DISP2: variants seen among roughly 807,000 people sequenced by gnomAD.
The protein encoded by DISP2 is protein dispatched homolog 2.
DISP2 carries 59 observed loss-of-function variants against 95.5 expected under a neutral mutation model. The ratio of observed to expected loss-of-function variants is 0.62; its 90% CI spans 0.50 to 0.77. DISP2 has a LOEUF of 0.77. Among genes scored for constraint, DISP2 ranks in the 30% least tolerant of loss-of-function variants. The probability of loss-of-function intolerance (pLI) is 0.00; values close to 1 mark genes in which losing one functional copy is unlikely to be tolerated. For synonymous variants in DISP2, 827 were observed against 815.0 expected, an observed-to-expected ratio of 1.01 and a Z score of -0.25; for missense variants, 1,752 against 1,854.6, an observed-to-expected ratio of 0.94 and a Z score of 1.02.
chr15:40,364,641 G>A (rs1889467285), intron 4 of DISP2, 97 bp downstream of exon 4: 28 of 1,543,590 alleles, frequency 1.8e-5, no homozygotes, highest in Non-Finnish European at 2.5e-5. Flanking sequence ...GGTAGCCTGG[G>A]GATAGGGTAG....
At position 40,363,832 on chromosome 15, in the gene DISP2, A is replaced by T. The variant is rs1366138007; in HGVS notation, c.327A>T (p.Pro109=). The change falls in exon 2 of 8, where the codon CCA becomes CCT. Residue 109 remains proline (P), a synonymous_variant. Coordinates refer to ENST00000267889, the MANE Select transcript of DISP2 (RefSeq NM_033510.3). ...LQEYQGGSSL[P]GLGDRAALCS... ...AATACCAGGGGGGCAGTTCCCTGCC[A>T]GGACTTGGGGATCGGGCAGCTCTCT... is the stretch of plus-strand genomic sequence containing the variant. The T allele has an allele frequency of 4.3e-6, 7 of 1,611,486 alleles. No homozygotes were observed. Among genetic ancestry groups the T allele is most frequent in the Non-Finnish European group, 5.9e-6 (7 of 1,178,246 alleles).
At chr15:40,359,086 G>A (rs912380365) in intron 1 of DISP2, among the ~76,000 whole-genome samples, 1 of 152,206 alleles carries the variant, frequency 6.6e-6, no homozygotes, top group Non-Finnish European at 1.5e-5. Context: ...GGTGGGACAG[G>A]AGGGACACCT....
Position 40,364,230 on chromosome 15 carries a change from G to C in DISP2, c.454G>C (p.Glu152Gln). 14 of 1,614,114 alleles carry C rather than the reference G, an allele frequency of 8.7e-6. No individual in the cohort carries two copies. Among genetic ancestry groups the C allele is most frequent in the Non-Finnish European group, 1.2e-5 (14 of 1,180,034 alleles). The change falls in exon 3 of 8, where the codon GAA becomes CAA. Residue 152 changes from glutamate to glutamine, a missense_variant. Glu to Gln is a conservative substitution (Grantham distance 29, BLOSUM62 2). This residue lies in a region of DISP2 where 342 missense variants were observed against 364.3 expected (regional missense o/e 0.94). Coordinates refer to ENST00000267889, the MANE Select transcript of DISP2 (RefSeq NM_033510.3). ...VQHHVVSVRQERAFQMPKSYS... is the reference protein window; with the variant it reads ...VQHHVVSVRQQRAFQMPKSYS... ...ATCTTTTCTTCTCTTCCACAGGCAG[G>C]AACGAGCCTTCCAGATGCCAAAGAG...
Position 40,358,359 on chromosome 15 carries a change from G to A in DISP2, c.38G>A (p.Gly13Asp). The change falls in exon 1 of 8, where the codon GGT becomes GAT. Residue 13 changes from glycine (G) to aspartate (D), a missense_variant. Physicochemically the swap from Gly to Asp is moderately conservative, Grantham distance 94 (BLOSUM62 -1). Transcript: ENST00000267889. ...GDSSSSSGGS[G>D]PAPGPGPEGE... ...AGCAGCAGCAGCAGCGGCGGCAGCG[G>A]TCCGGCTCCCGGCCCGGGTCCGGAA... 7.2e-7 allele frequency: 1 copy of A among 1,384,828 alleles called. No homozygotes were observed. 85.8% of individuals were successfully genotyped at this position (1,384,828 alleles called of 1,614,324 possible). A position where few individuals can be genotyped will look rare whatever the true frequency, so the allele number is the denominator to read the frequency against.
intron 6 of DISP2, among the ~76,000 whole-genome samples, 169 bp downstream of exon 6, chr15:40,365,443 C>T (rs1311341375): frequency 6.6e-6 from 1 of 152,202 alleles, no homozygotes; most frequent in African/African-American, 2.4e-5. Flanking sequence ...TTCTCAGATG[C>T]TCCAGCCAGA....
Position 40,369,822 on chromosome 15 carries a change from A to G in DISP2, c.3710A>G (p.Tyr1237Cys). 6.3e-7 allele frequency: 1 copy of G among 1,586,308 alleles called. No individual in the cohort carries two copies. Among genetic ancestry groups the G allele is most frequent in the Non-Finnish European group, 8.6e-7 (1 of 1,163,282 alleles). The stretch of plus-strand genomic sequence containing the variant: ...CCTGCCCTGCAGACCTCCTCCCCCT[A>G]TAAGCAGGCTGGCCCCAGCCCCAAA... ...QCPALQTSSPYKQAGPSPKTR... is the reference protein window; with the variant it reads ...QCPALQTSSPCKQAGPSPKTR... Residue 1237 changes from tyrosine (Y) to cysteine (C), a missense_variant, in exon 8 of 8, where the codon TAT (tyrosine) becomes TGT (cysteine). Coordinates refer to ENST00000267889, the MANE Select transcript of DISP2 (RefSeq NM_033510.3).
chr15:40,367,014 C>G (rs1213817660), intron 7 of DISP2, 44 bp from the exon 8 acceptor site: 11 of 1,594,096 alleles, frequency 6.9e-6, no homozygotes, highest in Non-Finnish European at 9.4e-6. Context: ...AACCTGAGCC[C>G]TTGGGCTGCC....
At chr15:40,364,748 T>C in intron 4 of DISP2, 90 bp from the exon 5 acceptor site, 1 of 1,435,386 alleles carries the variant, frequency 7.0e-7, no homozygotes, top group Non-Finnish European at 9.5e-7. Context: ...CCTTCCCTGC[T>C]CTGAGGAGTC....
Position 40,368,327 on chromosome 15 carries a change from G to C in DISP2, c.2215G>C (p.Val739Leu). 6.2e-7 allele frequency: 1 copy of C among 1,603,724 alleles called. No individual in the cohort carries two copies. The highest frequency in any genetic ancestry group is 1.1e-5 in the South Asian group (1 of 90,886). The change falls in exon 8 of 8, where the codon GTC becomes CTC. Residue 739 changes from valine to leucine, a missense_variant. Transcript: ENST00000267889. Reference protein sequence around the residue: ...LPTLPPPGGQVFRPSHPFERF... With the variant: ...LPTLPPPGGQLFRPSHPFERF... ...CACGCTGCCGCCGCCCGGCGGCCAGGTCTTCCGGCCCAGCCACCCCTTCGA... is the reference window on the plus strand; with the variant it reads ...CACGCTGCCGCCGCCCGGCGGCCAGCTCTTCCGGCCCAGCCACCCCTTCGA...
chr15:40,364,555 A>C lies in DISP2; in HGVS notation c.603+11A>C. 6.2e-7 allele frequency: 1 copy of C among 1,612,612 alleles called. No individual in the cohort carries two copies. Among genetic ancestry groups the C allele is most frequent in the Non-Finnish European group, 8.5e-7 (1 of 1,179,608 alleles). On this transcript the variant is annotated intron_variant, in intron 4 of 7. Transcript: ENST00000267889. ...TCCAAGCCTTTGCTGGTGAGGAACCAAGGGGTGGGACGGGGTCCCCAGGCC... is the reference window on the plus strand; with the variant it reads ...TCCAAGCCTTTGCTGGTGAGGAACCCAGGGGTGGGACGGGGTCCCCAGGCC...
Position 40,369,166 on chromosome 15 carries a change from G to T in DISP2, c.3054G>T (p.Glu1018Asp), listed in dbSNP as rs1394657196. ...VLLEWQLNTAEALFLSASVGL... is the reference protein window; with the variant it reads ...VLLEWQLNTADALFLSASVGL... ...TCGAGTGGCAGCTCAACACTGCCGA[G>T]GCCCTGTTTCTCTCTGCCTCAGTGG... The change falls in exon 8 of 8, where the codon GAG (glutamate) becomes GAT (aspartate). Residue 1018 changes from glutamate (E) to aspartate (D), a missense_variant. Transcript: ENST00000267889. 6.2e-7 allele frequency: 1 copy of T among 1,613,776 alleles called. No individual in the cohort carries two copies. The highest frequency in any genetic ancestry group is 8.5e-7 in the Non-Finnish European group (1 of 1,180,042).
chr15:40,367,569 T>C lies in DISP2; in HGVS notation c.1457T>C (p.Val486Ala), dbSNP rs190907713. 474 of 1,613,814 alleles carry C rather than the reference T, an allele frequency of 2.9e-4. No individual in the cohort carries two copies. Among genetic ancestry groups the C allele is most frequent in the Non-Finnish European group, 2.5e-4 (293 of 1,179,990 alleles). Reference protein sequence around the residue: ...LKQELLRHFLVQDTVYPLLAL... With the variant: ...LKQELLRHFLAQDTVYPLLAL... ...CAGGAGCTGCTGAGGCACTTCCTGGTCCAGGACACGGTGTACCCCTTGCTG... is the reference window on the plus strand; with the variant it reads ...CAGGAGCTGCTGAGGCACTTCCTGGCCCAGGACACGGTGTACCCCTTGCTG... Residue 486 changes from valine to alanine, a missense_variant, in exon 8 of 8, where the codon GTC becomes GCC. Transcript: ENST00000267889.
intron 1 of DISP2, among the ~76,000 whole-genome samples, chr15:40,358,767 C>A (rs1299972761): frequency 6.6e-6 from 1 of 152,218 alleles, no homozygotes; most frequent in African/African-American, 2.4e-5. Flanking sequence ...CCTGCGTCTT[C>A]TCCGGAAGCC....
Position 40,368,019 on chromosome 15 carries a change from G to A in DISP2, c.1907G>A (p.Trp636Ter). Residue 636 changes from tryptophan (W) to a stop codon, truncating the protein, a stop_gained, in exon 8 of 8, where the codon TGG (tryptophan) becomes TAG (stop). Coordinates refer to ENST00000267889, the MANE Select transcript of DISP2 (RefSeq NM_033510.3). LOFTEE classifies it high-confidence loss of function. ...GTGCACCTGGCGCTCACGCTGGTCT[G>A]GCTGCCCGCCTCCGCCGTGCTCCAC... ...VLVHLALTLV[W>*]LPASAVLHER... 6.5e-7 allele frequency: 1 copy of A among 1,534,440 alleles called. No individual in the cohort carries two copies. Among genetic ancestry groups the A allele is most frequent in the Non-Finnish European group, 8.7e-7 (1 of 1,146,308 alleles).
At position 40,368,404 on chromosome 15, in the gene DISP2, G is replaced by A; in HGVS notation, c.2292G>A (p.Gln764=). Residue 764 remains glutamine, a synonymous_variant, in exon 8 of 8, where the codon CAG becomes CAA. Transcript: ENST00000267889. Reference sequence around the variant, plus strand: ...TGTTCCTGTTCGAGCAGCTGCCGCAGGGCGAGGGCGGCCACATGCCCGTGG... The same window carrying A: ...TGTTCCTGTTCGAGCAGCTGCCGCAAGGCGAGGGCGGCCACATGCCCGTGG... The part of the protein sequence containing the change: ...RQLFLFEQLP[Q]GEGGHMPVVL... The A allele has an allele frequency of 6.2e-7, 1 of 1,608,580 alleles. No homozygotes were observed. The highest frequency in any genetic ancestry group is 1.1e-5 in the South Asian group (1 of 91,080).
chr15:40,365,508 A>C (rs961869169), intron 6 of DISP2, 120 bp from the exon 7 acceptor site: 17 of 1,324,642 alleles, frequency 1.3e-5, no homozygotes, highest in Non-Finnish European at 1.7e-5. Context: ...CAGTCCATGC[A>C]CAGGCTTGAG....
At position 40,364,455 on chromosome 15, in the gene DISP2, G is replaced by A. The variant is rs750460103; in HGVS notation, c.514G>A (p.Val172Met). 2.4e-5 allele frequency: 38 copies of A among 1,613,884 alleles called. No individual in the cohort carries two copies. Among genetic ancestry groups the A allele is most frequent in the East Asian group, 4.5e-5 (2 of 44,888 alleles). The change falls in exon 4 of 8, where the codon GTG becomes ATG. Residue 172 changes from valine (V) to methionine (M), a missense_variant. Coordinates refer to ENST00000267889, the MANE Select transcript of DISP2 (RefSeq NM_033510.3). ...SQLIAEWPVAVLMLCLAVIFL... is the reference protein window; with the variant it reads ...SQLIAEWPVAMLMLCLAVIFL... ...GCTGATTGCTGAGTGGCCAGTGGCC[G>A]TGCTGATGCTGTGTCTGGCTGTCAT...
intron 1 of DISP2, among the ~76,000 whole-genome samples, chr15:40,358,891 CGGCA>C (rs1357781914): frequency 2.0e-5 from 3 of 152,240 alleles, no homozygotes; most frequent in African/African-American, 7.2e-5. Flanking sequence ...GGCAGACATT[CGGCA>C]GGCACGTCAG....
In DISP2 at chr15:40,369,209, A is replaced by G. The variant is rs747115767; in HGVS notation, c.3097A>G (p.Thr1033Ala). The G allele has an allele frequency of 7.7e-5, 125 of 1,613,646 alleles. No individual in the cohort carries two copies. Among genetic ancestry groups the G allele is most frequent in the Non-Finnish European group, 1.0e-4 (121 of 1,179,988 alleles). ...SASVGLSVDF[T>A]VNYCISYHLC... Reference sequence around the variant, plus strand: ...CTCAGTGGGCCTCTCAGTAGACTTCACTGTCAACTACTGCATCTCCTATCA... The same window carrying G: ...CTCAGTGGGCCTCTCAGTAGACTTCGCTGTCAACTACTGCATCTCCTATCA... The change falls in exon 8 of 8, where the codon ACT becomes GCT. Residue 1033 changes from threonine to alanine, a missense_variant. By Grantham distance (58) the Thr-to-Ala change is moderately conservative. This residue lies in a region of DISP2 where 317 missense variants were observed against 394.9 expected (regional missense o/e 0.80). Coordinates refer to ENST00000267889, the MANE Select transcript of DISP2 (RefSeq NM_033510.3).
Sources: gnomAD v4.1 joint callset for allele counts (sites outside exome capture counted in the v4.1 genomes callset) on GRCh38, gnomAD v4.1.1 for gene constraint, gnomAD v4.1.1 regional missense constraint, MANE v1.5 for transcripts, NCBI Gene and HGNC (gene_info 2026-07-23, HGNC 2026-07-21) for gene names.